YWHAE: variants seen among roughly 807,000 people sequenced by gnomAD.
YWHAE encodes the protein 14-3-3 protein epsilon.
Under a neutral mutation model 30.1 loss-of-function variants are expected in YWHAE, and 4 were observed. The observed-to-expected ratio is 0.13, with a 90% CI of 0.07 to 0.30. The LOEUF (loss-of-function observed/expected upper bound fraction) is 0.30, where lower values mean the gene tolerates loss of function less well. Among genes scored for constraint, YWHAE ranks in the 10% least tolerant of loss-of-function variants. The pLI is 1.00. For missense variants in YWHAE, 121 were observed against 315.9 expected, an observed-to-expected ratio of 0.38 and a Z score of 4.68; for synonymous variants, 118 against 111.8, an observed-to-expected ratio of 1.06 and a Z score of -0.35.
At chr17:1,398,516 C>T (rs12604036) in intron 1 of YWHAE, among the ~76,000 whole-genome samples, 1 of 151,938 alleles carries the variant, frequency 6.6e-6, no homozygotes, top group East Asian at 1.9e-4. Context: ...TGACTAAATC[C>T]GCATTTCGAG....
chr17:1,391,003 T>TA, intron 1 of YWHAE, among the ~76,000 whole-genome samples: 1 of 152,138 alleles, frequency 6.6e-6, no homozygotes, highest in Non-Finnish European at 1.5e-5. Flanking sequence ...AAGACACTTG[T>TA]AAAAATAAAA....
intron 4 of YWHAE, among the ~76,000 whole-genome samples, chr17:1,356,171 A>ACAC (rs2072737906): frequency 7.0e-5 from 10 of 143,104 alleles, no homozygotes; most frequent in East Asian, 4.3e-4. Flanking sequence ...TCCGTCTAAA[A>ACAC]ACACACACAC....
chr17:1,350,075 C>G (rs577922794), intron 5 of YWHAE, among the ~76,000 whole-genome samples: 2 of 151,922 alleles, frequency 1.3e-5, no homozygotes, highest in Admixed American at 1.3e-4. Context: ...GCCTCAGCCT[C>G]CCCAGTAGCT....
At chr17:1,385,870 G>C (rs2073292850) in intron 1 of YWHAE, among the ~76,000 whole-genome samples, 1 of 152,028 alleles carries the variant, frequency 6.6e-6, no homozygotes. Flanking sequence ...CTTGAGCCCA[G>C]CTGAAAGACC....
intron 2 of YWHAE, among the ~76,000 whole-genome samples, chr17:1,363,987 T>A (rs1176659264): frequency 2.6e-5 from 4 of 152,150 alleles, no homozygotes; most frequent in Non-Finnish European, 5.9e-5. Context: ...CTCCAGAAGT[T>A]GTGACAATCA....
intron 1 of YWHAE, among the ~76,000 whole-genome samples, chr17:1,388,973 C>T (rs1267931627): frequency 6.6e-6 from 1 of 152,118 alleles, no homozygotes; most frequent in Non-Finnish European, 1.5e-5. Context: ...AATCTTTCTC[C>T]TTTCCTTTTT....
chr17:1,392,444 T>C (rs2073402573), intron 1 of YWHAE, among the ~76,000 whole-genome samples: 1 of 152,214 alleles, frequency 6.6e-6, no homozygotes, highest in Non-Finnish European at 1.5e-5. Context: ...TAGCCATTTT[T>C]CTTGCTGCTC....
At chr17:1,395,471 G>A (rs1454861705) in intron 1 of YWHAE, among the ~76,000 whole-genome samples, 5 of 152,328 alleles carry the variant, frequency 3.3e-5, no homozygotes, top group Non-Finnish European at 2.9e-5. Flanking sequence ...GGAGGTTGCA[G>A]TGAGCCAAGA....
chr17:1,376,928 CT>C (rs150653022), intron 1 of YWHAE, among the ~76,000 whole-genome samples: 6,482 of 142,124 alleles, frequency 0.046, 123 homozygotes, highest in East Asian at 0.061. Flanking sequence ...ATAACCCTAA[CT>C]TTTTTTTTTT....
chr17:1,353,763 CAAAA>C (rs201551828), intron 5 of YWHAE, among the ~76,000 whole-genome samples: 8 of 144,492 alleles, frequency 5.5e-5, no homozygotes, highest in Admixed American at 2.7e-4. Context: ...GACTCCGTCT[CAAAA>C]AAAAAAAAAA....
At chr17:1,399,560 C>G in intron 1 of YWHAE, 1 of 188,456 alleles carries the variant, frequency 5.3e-6, no homozygotes, top group Non-Finnish European at 1.1e-5. Flanking sequence ...GGGGAAAAGC[C>G]ACCGCCCCCA....
At chr17:1,379,013 T>A (rs1159984319) in intron 1 of YWHAE, among the ~76,000 whole-genome samples, 4 of 152,130 alleles carry the variant, frequency 2.6e-5, no homozygotes, top group Admixed American at 2.6e-4. Flanking sequence ...CTCAGATGGC[T>A]AACCTGAATT....
chr17:1,348,797 G>C (rs1216926858), intron 5 of YWHAE, among the ~76,000 whole-genome samples: 2 of 152,162 alleles, frequency 1.3e-5, no homozygotes, highest in Non-Finnish European at 2.9e-5. Context: ...GCCGAGGCAG[G>C]CGGATCACGA....
At chr17:1,364,012 C>T (rs558033984) in intron 2 of YWHAE, among the ~76,000 whole-genome samples, 3 of 152,258 alleles carry the variant, frequency 2.0e-5, no homozygotes, top group Admixed American at 2.0e-4. Flanking sequence ...TATTTCTAGA[C>T]ATTGTTAAAC....
intron 1 of YWHAE, among the ~76,000 whole-genome samples, chr17:1,390,049 G>GGTCA (rs1176247330): frequency 6.6e-6 from 1 of 151,844 alleles, no homozygotes; most frequent in Non-Finnish European, 1.5e-5. Context: ...TCTCCATGTT[G>GGTCA]GTCAGGCTGG....
At chr17:1,356,118 G>C (rs896472983) in intron 4 of YWHAE, among the ~76,000 whole-genome samples, 1 of 151,914 alleles carries the variant, frequency 6.6e-6, no homozygotes, top group African/African-American at 2.4e-5. Context: ...GCAGTGAGCC[G>C]AGATCACGCC....
intron 5 of YWHAE, among the ~76,000 whole-genome samples, chr17:1,351,202 T>A (rs1178791636): frequency 6.6e-6 from 1 of 151,568 alleles, no homozygotes; most frequent in Admixed American, 6.6e-5. Context: ...CTATTAAAAA[T>A]ACAAAAAATT....
chr17:1,394,436 C>CAAAAAAAAAAAAAAA (rs544115909), intron 1 of YWHAE, among the ~76,000 whole-genome samples: 50 of 58,548 alleles, frequency 8.5e-4, no homozygotes, highest in African/African-American at 3.1e-3. Context: ...CTCAAATCCA[C>CAAAAAAAAAAAAAAA]AAAAAAAAAA....
At chr17:1,376,937 T>TTC (rs1457745242) in intron 1 of YWHAE, among the ~76,000 whole-genome samples, 3 of 151,758 alleles carry the variant, frequency 2.0e-5, no homozygotes, top group Admixed American at 2.0e-4. Flanking sequence ...ACTTTTTTTT[T>TTC]TTTTTTTGAG....
Sources: allele counts gnomAD v4.1 joint callset (sites outside exome capture counted in the v4.1 genomes callset), GRCh38; gene constraint gnomAD v4.1.1; transcripts MANE v1.5; gene names NCBI Gene and HGNC (gene_info 2026-07-23, HGNC 2026-07-21).